Variants in WDSUB1 observed in about 807,000 individuals in gnomAD.
WDSUB1 encodes the protein WD repeat, sterile alpha motif and U-box domain containing 1.
In WDSUB1, 49 loss-of-function variants were observed where a neutral mutation model predicts 53.9. That is an observed-to-expected ratio of 0.91 (90% CI 0.72 to 1.15). WDSUB1 has a LOEUF of 1.15. Ranked by LOEUF, WDSUB1 falls within the 50% of genes most tolerant of loss-of-function variation. The pLI, the probability that WDSUB1 is intolerant of heterozygous loss-of-function variation, is 0.00. For synonymous variants in WDSUB1, 194 were observed against 200.6 expected, an observed-to-expected ratio of 0.97 and a Z score of 0.28; for missense variants, 514 against 562.0, an observed-to-expected ratio of 0.91 and a Z score of 0.86.
In WDSUB1 at chr2:159,256,387, C is replaced by T. The variant is rs1298438668; in HGVS notation, c.953-12G>A. On this transcript the variant is annotated splice_polypyrimidine_tract_variant and intron_variant, in intron 8 of 10. Transcript: ENST00000359774. ...TTCTGTGCGCCTTGCTTAAAATAAA[C>T]AAACAAGTAAGTGAGATAACAAAAA... The T allele has an allele frequency of 6.3e-7, 1 of 1,598,968 alleles. No individual in the cohort carries two copies.
At chr2:159,243,760 G>T (rs2060718774) in intron 10 of WDSUB1, among the ~76,000 whole-genome samples, 1 of 151,946 alleles carries the variant, frequency 6.6e-6, no homozygotes, top group Non-Finnish European at 1.5e-5. Context: ...CTTCTCCTAG[G>T]AATATAGCCA....
At chr2:159,279,329 G>A (rs562499622) in intron 3 of WDSUB1, among the ~76,000 whole-genome samples, 1 of 152,126 alleles carries the variant, frequency 6.6e-6, no homozygotes, top group Non-Finnish European at 1.5e-5. Flanking sequence ...TTAGCTTTTC[G>A]AAGATTAAAT....
intron 3 of WDSUB1, 109 bp downstream of exon 3, chr2:159,279,652 T>C: frequency 2.2e-6 from 2 of 901,316 alleles, no homozygotes; most frequent in East Asian, 2.8e-5. Context: ...TTAAGAGGGC[T>C]CCTCACTCTA....
chr2:159,272,758 T>C (rs2061468526), intron 4 of WDSUB1, among the ~76,000 whole-genome samples: 1 of 152,214 alleles, frequency 6.6e-6, no homozygotes, highest in Non-Finnish European at 1.5e-5. Context: ...AAATAATCAA[T>C]GGTAATTTAC....
chr2:159,266,052 C>T (rs1675907953), intron 5 of WDSUB1, among the ~76,000 whole-genome samples: 1 of 152,162 alleles, frequency 6.6e-6, no homozygotes, highest in Admixed American at 6.6e-5. Flanking sequence ...AGCTAATATG[C>T]AATAATCTAT....
chr2:159,274,772 A>G (rs1160859582), intron 4 of WDSUB1, among the ~76,000 whole-genome samples: 2 of 152,236 alleles, frequency 1.3e-5, no homozygotes, highest in East Asian at 3.8e-4. Context: ...ATGCAAACAG[A>G]GTACTAAGCA....
chr2:159,283,477 C>T (rs912451902), intron 1 of WDSUB1, among the ~76,000 whole-genome samples: 2 of 152,096 alleles, frequency 1.3e-5, no homozygotes, highest in Non-Finnish European at 2.9e-5. Context: ...GAGGCTGAGG[C>T]AGAAGAATCC....
chr2:159,252,853 C>A (rs1330335347), intron 9 of WDSUB1, among the ~76,000 whole-genome samples: 2 of 152,040 alleles, frequency 1.3e-5, no homozygotes, highest in African/African-American at 4.8e-5. Context: ...GAAAGAAGAG[C>A]AAATGGAAGA....
At chr2:159,247,222 C>T (rs895991638) in intron 10 of WDSUB1, among the ~76,000 whole-genome samples, 2 of 152,128 alleles carry the variant, frequency 1.3e-5, no homozygotes, top group African/African-American at 4.8e-5. Flanking sequence ...GCAGGTACAG[C>T]TTTAAGTACC....
At chr2:159,240,247 T>C (rs541863771) in intron 10 of WDSUB1, among the ~76,000 whole-genome samples, 3 of 152,348 alleles carry the variant, frequency 2.0e-5, no homozygotes, top group African/African-American at 4.8e-5. Context: ...TATTCTCTTG[T>C]ATGGCTATAC....
chr2:159,251,918 C>CT (rs570000932), intron 9 of WDSUB1, among the ~76,000 whole-genome samples: 3 of 152,136 alleles, frequency 2.0e-5, no homozygotes, highest in Non-Finnish European at 4.4e-5. Context: ...AGACAGAGAC[C>CT]TTCCTACGTG....
At chr2:159,239,459 ATATACAGT>A (rs1477939577) in intron 10 of WDSUB1, among the ~76,000 whole-genome samples, 1 of 152,146 alleles carries the variant, frequency 6.6e-6, no homozygotes, top group Non-Finnish European at 1.5e-5. Context: ...GGCTTTCTAC[ATATACAGT>A]TATATAGAAA....
At chr2:159,256,562 CAAGACCGGCCTAAGTAACATAGG>C (rs2061067261) in intron 8 of WDSUB1, among the ~76,000 whole-genome samples, 187 bp from the exon 9 acceptor site, 2 of 146,544 alleles carry the variant, frequency 1.4e-5, no homozygotes, top group South Asian at 4.3e-4. Flanking sequence ...GTCAGGAGTT[CAAGACCGGCCTAAGTAACATAGG>C]GAGACCAGTC....
At chr2:159,241,286 A>T (rs1238566501) in intron 10 of WDSUB1, among the ~76,000 whole-genome samples, 1 of 152,226 alleles carries the variant, frequency 6.6e-6, no homozygotes, top group Non-Finnish European at 1.5e-5. Flanking sequence ...TAACCAAAAT[A>T]CCACTTTGTG....
chr2:159,247,906 T>TAA (rs1479075226), intron 10 of WDSUB1, among the ~76,000 whole-genome samples: 9 of 17,992 alleles, frequency 5.0e-4, no homozygotes, highest in African/African-American at 1.4e-3. Context: ...TATATATATA[T>TAA]ATAAATATAT....
intron 5 of WDSUB1, among the ~76,000 whole-genome samples, chr2:159,270,858 T>C (rs1028750691): frequency 6.7e-6 from 1 of 148,414 alleles, no homozygotes; most frequent in Non-Finnish European, 1.5e-5. Flanking sequence ...CACACACACA[T>C]ACATATATAA....
intron 10 of WDSUB1, among the ~76,000 whole-genome samples, chr2:159,245,532 CA>C (rs35025474): frequency 1.1e-3 from 145 of 131,310 alleles, no homozygotes; most frequent in Admixed American, 2.4e-3. Context: ...GACTCTGTCT[CA>C]AAAAAAAAAA....
At chr2:159,247,908 T>TATAA (rs1306532213) in intron 10 of WDSUB1, among the ~76,000 whole-genome samples, 1 of 48,102 alleles carries the variant, frequency 2.1e-5, no homozygotes, top group African/African-American at 3.8e-5. Context: ...TATATATATA[T>TATAA]AAATATATAT....
rs779298720 is a variant in WDSUB1, at chr2:159,282,898, G to C, written c.172C>G (p.His58Asp). Reference sequence around the variant, plus strand: ...CCTGAAGGGGAGAAACAGCAGCAGTGGACAGCATAGGTATGAAACTTCAAT... The same window carrying C: ...CCTGAAGGGGAGAAACAGCAGCAGTCGACAGCATAGGTATGAAACTTCAAT... ...SPLKFHTYAV[H>D]CCCFSPSGHI... Residue 58 changes from histidine (H) to aspartate (D), a missense_variant, in exon 2 of 11, where the codon CAC becomes GAC. His to Asp is a moderately conservative substitution (Grantham distance 81). Transcript: ENST00000359774. The C allele has an allele frequency of 1.2e-6, 2 of 1,614,144 alleles. No individual in the cohort carries two copies. The highest frequency in any genetic ancestry group is 1.1e-5 in the South Asian group (1 of 91,084).
Sources: gnomAD v4.1 joint callset for allele counts (sites outside exome capture counted in the v4.1 genomes callset) on GRCh38, gnomAD v4.1.1 for gene constraint, MANE v1.5 for transcripts, NCBI Gene and HGNC (gene_info 2026-07-23, HGNC 2026-07-21) for gene names.